ERBB4: variants seen among roughly 807,000 people sequenced by gnomAD.
The protein encoded by ERBB4 is receptor tyrosine-protein kinase erbB-4.
ERBB4 carries 42 observed loss-of-function variants against 158.0 expected under a neutral mutation model. The ratio of observed to expected loss-of-function variants is 0.27; its 90% CI spans 0.21 to 0.34. ERBB4 has a LOEUF of 0.34. Among genes scored for constraint, ERBB4 ranks in the 10% least tolerant of loss-of-function variants. The pLI, the probability that ERBB4 is intolerant of heterozygous loss-of-function variation, is 1.00. For synonymous variants in ERBB4, 583 were observed against 558.7 expected, an observed-to-expected ratio of 1.04 and a Z score of -0.61; for missense variants, 1,333 against 1,624.1, an observed-to-expected ratio of 0.82 and a Z score of 3.08.
intron 1 of ERBB4, among the ~76,000 whole-genome samples, chr2:212,303,500 G>A (rs1229532546): frequency 4.0e-5 from 6 of 151,362 alleles, no homozygotes; most frequent in East Asian, 1.9e-4. Flanking sequence ...TATCTAGCAC[G>A]TGTTTAATAC....
rs182645453 is a variant in ERBB4, at chr2:211,654,539, G to C, written c.1946+3215C>G. On this transcript the variant is annotated intron_variant, in intron 16 of 27. Transcript: ENST00000342788. Reference sequence around the variant, plus strand: ...CACTAACCTACTGGATTAACGCCCTGTTGATATGTAAATTACTAACTTCGT... The same window carrying C: ...CACTAACCTACTGGATTAACGCCCTCTTGATATGTAAATTACTAACTTCGT... 3.2e-3 allele frequency among the ~76,000 whole-genome samples: 486 copies of C among 152,284 alleles called. 3 individuals carry two copies. The highest frequency in any genetic ancestry group is 0.011 in the African/African-American group (442 of 41,548).
At chr2:211,475,790 G>C (rs776496439) in intron 20 of ERBB4, among the ~76,000 whole-genome samples, 9 of 151,810 alleles carry the variant, frequency 5.9e-5, no homozygotes, top group Non-Finnish European at 8.8e-5. Flanking sequence ...AATAACTATA[G>C]GATTAAGTGA....
intron 1 of ERBB4, among the ~76,000 whole-genome samples, chr2:212,260,076 A>AG (rs1553606458): frequency 2.3e-5 from 1 of 42,868 alleles, no homozygotes; most frequent in East Asian, 3.1e-3. Flanking sequence ...CTCAGAAAAA[A>AG]AAAAAAAAAG....
At chr2:212,361,069 A>G (rs973516572) in intron 1 of ERBB4, among the ~76,000 whole-genome samples, 3 of 151,598 alleles carry the variant, frequency 2.0e-5, no homozygotes, top group African/African-American at 7.3e-5. Context: ...TTTTTATTCT[A>G]TGTTTTACAA....
chr2:211,913,600 C>CAA (rs57968077), intron 3 of ERBB4, among the ~76,000 whole-genome samples: 4 of 138,228 alleles, frequency 2.9e-5, no homozygotes, highest in South Asian at 2.4e-4. Context: ...GACTCTATTT[C>CAA]AAAAAAATAT....
At chr2:212,214,296 A>T (rs9973520) in intron 1 of ERBB4, among the ~76,000 whole-genome samples, 38 of 151,538 alleles carry the variant, frequency 2.5e-4, no homozygotes, top group South Asian at 1.9e-3. Context: ...CTTGAGATAT[A>T]TCTAGTGCAA....
intron 19 of ERBB4, among the ~76,000 whole-genome samples, chr2:211,606,079 A>G (rs2068969877): frequency 6.6e-6 from 1 of 152,128 alleles, no homozygotes; most frequent in Admixed American, 6.6e-5. Flanking sequence ...TTAGACACAG[A>G]TGATGGTAAA....
At chr2:212,250,740 G>A (rs2084500581) in intron 1 of ERBB4, among the ~76,000 whole-genome samples, 1 of 151,434 alleles carries the variant, frequency 6.6e-6, no homozygotes, top group Admixed American at 6.6e-5. Context: ...ACCACACAGA[G>A]CCCTGTTGTT....
chr2:212,023,806 C>A (rs1405792255), intron 2 of ERBB4, among the ~76,000 whole-genome samples: 2 of 151,448 alleles, frequency 1.3e-5, no homozygotes, highest in African/African-American at 2.4e-5. Context: ...GGTAGTGATA[C>A]CTAAACTGGA....
At chr2:211,872,799 ATTTACT>A (rs2078386037) in intron 3 of ERBB4, among the ~76,000 whole-genome samples, 1 of 152,092 alleles carries the variant, frequency 6.6e-6, no homozygotes, top group South Asian at 2.1e-4. Context: ...TAAAAGGTAC[ATTTACT>A]TTTATTGTAA....
intron 1 of ERBB4, among the ~76,000 whole-genome samples, chr2:212,255,905 C>T (rs149074975): frequency 0.011 from 1,694 of 152,100 alleles, 39 homozygotes; most frequent in African/African-American, 0.038. Context: ...ACTGCAGCCT[C>T]GAACTCCTAG....
intron 1 of ERBB4, among the ~76,000 whole-genome samples, chr2:212,402,202 A>G (rs2091226989): frequency 6.6e-6 from 1 of 152,166 alleles, no homozygotes; most frequent in African/African-American, 2.4e-5. Flanking sequence ...GTTGTTACAC[A>G]TATAACCTGG....
chr2:211,580,725 A>G lies in ERBB4; in HGVS notation c.2302-18637T>C, dbSNP rs1219424616. On this transcript the variant is annotated intron_variant, in intron 19 of 27. Coordinates refer to ENST00000342788, the MANE Select transcript of ERBB4 (RefSeq NM_005235.3). ...GCATGTTTATAGCAGCACAATTTGC[A>G]ATTGCAAAAACGTGGAACCAACCCA... Among the ~76,000 whole-genome samples the G allele has an allele frequency of 3.4e-5, 5 of 145,506 alleles. No homozygotes were observed. In the East Asian group the frequency reaches 8.0e-4, roughly 23 times the overall value.
intron 2 of ERBB4, among the ~76,000 whole-genome samples, chr2:212,031,650 T>C (rs982183035): frequency 6.6e-6 from 1 of 152,104 alleles, no homozygotes; most frequent in African/African-American, 2.4e-5. Context: ...TTTATACCTG[T>C]TTTTATGGTT....
chr2:212,111,268 G>A (rs2079397715), intron 2 of ERBB4, among the ~76,000 whole-genome samples: 1 of 152,084 alleles, frequency 6.6e-6, no homozygotes, highest in Admixed American at 6.5e-5. Context: ...ATACATCTCT[G>A]CCTTCAACTG....
At chr2:212,276,064 C>T (rs2085521761) in intron 1 of ERBB4, among the ~76,000 whole-genome samples, 2 of 151,744 alleles carry the variant, frequency 1.3e-5, no homozygotes, top group African/African-American at 4.8e-5. Flanking sequence ...GTTCAAGGGT[C>T]AGCTCTAATG....
chr2:212,313,648 T>C (rs1472991746), intron 1 of ERBB4, among the ~76,000 whole-genome samples: 1 of 150,964 alleles, frequency 6.6e-6, no homozygotes, highest in Non-Finnish European at 1.5e-5. Flanking sequence ...AACATGCCAT[T>C]TTATGAATAT....
chr2:212,078,249 T>C (rs1278957813), intron 2 of ERBB4, among the ~76,000 whole-genome samples: 1 of 152,072 alleles, frequency 6.6e-6, no homozygotes, highest in Non-Finnish European at 1.5e-5. Context: ...TTAGTTTTAA[T>C]GTTTTAGTTT....
At chr2:211,910,153 G>A (rs572072742) in intron 3 of ERBB4, among the ~76,000 whole-genome samples, 1 of 151,430 alleles carries the variant, frequency 6.6e-6, no homozygotes, top group East Asian at 2.0e-4. Context: ...CTGACCTCTG[G>A]TGATCCACCC....
Sources: allele counts gnomAD v4.1 joint callset (sites outside exome capture counted in the v4.1 genomes callset), GRCh38; gene constraint gnomAD v4.1.1; transcripts MANE v1.5; gene names NCBI Gene and HGNC (gene_info 2026-07-23, HGNC 2026-07-21).